Variants in AHR observed in about 807,000 individuals in gnomAD.
The protein encoded by AHR is aryl hydrocarbon receptor.
Under a neutral mutation model 86.8 loss-of-function variants are expected in AHR, and 40 were observed. That is an observed-to-expected ratio of 0.46 (90% CI 0.36 to 0.60). AHR has a LOEUF of 0.60. AHR is among the 20% of genes least tolerant of loss of function. The pLI is 0.00. For missense variants in AHR, 1,001 were observed against 1,011.6 expected (o/e 0.99, Z 0.14); for synonymous variants, 398 against 354.9 (o/e 1.12, Z -1.37).
At chr7:17,304,396 C>A (rs1781985132) in intron 1 of AHR, among the ~76,000 whole-genome samples, 1 of 152,084 alleles carries the variant, frequency 6.6e-6, no homozygotes, top group Non-Finnish European at 1.5e-5. Flanking sequence ...TATTTGCCTT[C>A]CTGTTCTATG....
In AHR at chr7:17,343,811, A is replaced by G. The variant is rs187272302; in HGVS notation, c.*747A>G. 3 of 152,766 alleles carry G rather than the reference A, an allele frequency of 2.0e-5. No individual in the cohort carries two copies. The East Asian group carries it at 5.7e-4, about 29-fold the overall frequency. The allele number at this position is 152,766 out of a possible 1,614,324, so 9.5% of individuals were successfully genotyped here. On this transcript the variant is annotated 3_prime_UTR_variant, in exon 11 of 11. Coordinates refer to ENST00000242057, the MANE Select transcript of AHR (RefSeq NM_001621.5). ...TAAAGGGCAAATAATGATCGAAAAA[A>G]TAATTATTTATTACATAATTTAGTT...
intron 2 of AHR, among the ~76,000 whole-genome samples, chr7:17,319,653 GTGTCTCA>G (rs1288870076): frequency 6.6e-6 from 1 of 152,144 alleles, no homozygotes; most frequent in East Asian, 1.9e-4. Context: ...TCTTGTGACA[GTGTCTCA>G]TGTCACTTTC....
rs151256419 is a variant in AHR, at chr7:17,324,699, G to T, written c.360+2092G>T. On this transcript the variant is annotated intron_variant, in intron 3 of 10. Transcript: ENST00000242057. The stretch of plus-strand genomic sequence containing the variant: ...TGCCTGTAATCCTAGATACCCAGGA[G>T]GCTGAGGCCCGAGAATCGCTTGAAG... 8.0e-4 allele frequency among the ~76,000 whole-genome samples: 121 copies of T among 152,080 alleles called. 2 individuals carry two copies. In the East Asian group the frequency reaches 0.022, roughly 27 times the overall value.
At chr7:17,330,701 G>C (rs1782279011) in intron 5 of AHR, 55 bp from the exon 6 acceptor site, 2 of 1,471,464 alleles carry the variant, frequency 1.4e-6, no homozygotes, top group African/African-American at 1.4e-5. Context: ...CTATTCAAGT[G>C]CTTAATTTTA....
intron 1 of AHR, among the ~76,000 whole-genome samples, chr7:17,308,698 TAAACAC>T (rs1445447479): frequency 1.9e-4 from 28 of 149,418 alleles, no homozygotes; most frequent in African/African-American, 3.7e-4. Flanking sequence ...GATACATACA[TAAACAC>T]ACACACACAC....
intron 2 of AHR, among the ~76,000 whole-genome samples, chr7:17,310,491 A>G (rs1782052028): frequency 6.6e-6 from 1 of 151,782 alleles, no homozygotes; most frequent in Non-Finnish European, 1.5e-5. Context: ...GTTTTCATAG[A>G]CATGTCATTT....
At chr7:17,314,337 A>T (rs1782095012) in intron 2 of AHR, among the ~76,000 whole-genome samples, 1 of 152,142 alleles carries the variant, frequency 6.6e-6, no homozygotes, top group African/African-American at 2.4e-5. Flanking sequence ...AGAATTATTT[A>T]CATGTTAAAA....
chr7:17,327,488 AAG>A (rs952615944), intron 3 of AHR, among the ~76,000 whole-genome samples: 1 of 151,948 alleles, frequency 6.6e-6, no homozygotes, highest in Non-Finnish European at 1.5e-5. Context: ...ATATATTTAA[AAG>A]AGAAAATCTG....
chr7:17,315,029 T>C (rs1199592526), intron 2 of AHR, among the ~76,000 whole-genome samples: 1 of 152,040 alleles, frequency 6.6e-6, no homozygotes, highest in Non-Finnish European at 1.5e-5. Context: ...TAATTCACAT[T>C]TTAAAACATG....
rs1002074614 is a variant in AHR, at chr7:17,322,671, A to C, written c.360+64A>C. The C allele has an allele frequency of 3.7e-6, 4 of 1,080,128 alleles. No individual in the cohort carries two copies. In the African/African-American group the frequency reaches 4.8e-5, roughly 13 times the overall value. The allele number at this position is 1,080,128 out of a possible 1,614,324, so 66.9% of individuals were successfully genotyped here. ...GTTGTAAATGGAAAATGAATTAATA[A>C]GTCTTTTAGTAATTCCCTGTTTACT... On this transcript the variant is annotated intron_variant, in intron 3 of 10. Coordinates refer to ENST00000242057, the MANE Select transcript of AHR (RefSeq NM_001621.5).
intron 1 of AHR, among the ~76,000 whole-genome samples, chr7:17,308,098 G>A (rs1181427094): frequency 3.9e-5 from 6 of 152,136 alleles, no homozygotes; most frequent in Non-Finnish European, 5.9e-5. Context: ...CACCTAGGAT[G>A]TAAGCTCCAT....
intron 2 of AHR, among the ~76,000 whole-genome samples, chr7:17,320,918 C>G (rs1782165884): frequency 6.6e-6 from 1 of 152,052 alleles, no homozygotes; most frequent in South Asian, 2.1e-4. Flanking sequence ...CTGCAAAGGC[C>G]AGAATGGCAT....
At chr7:17,328,029 C>T (rs892675098) in intron 4 of AHR, among the ~76,000 whole-genome samples, 181 bp downstream of exon 4, 2 of 151,568 alleles carry the variant, frequency 1.3e-5, no homozygotes, top group Admixed American at 1.3e-4. Flanking sequence ...TTCCTTTAAA[C>T]CTTTATGTGA....
At chr7:17,330,139 C>T (rs1782271864) in intron 5 of AHR, 64 bp downstream of exon 5, 2 of 1,501,362 alleles carry the variant, frequency 1.3e-6, no homozygotes, top group South Asian at 1.2e-5. Flanking sequence ...TGAAAGGAGG[C>T]TGGGAACCTG....
chr7:17,324,731 G>GGTA (rs1782210464), intron 3 of AHR, among the ~76,000 whole-genome samples: 1 of 151,682 alleles, frequency 6.6e-6, no homozygotes, highest in South Asian at 2.1e-4. Flanking sequence ...GAAGCCAGGA[G>GGTA]GCAGTAGTTG....
chr7:17,313,426 G>A (rs1782086117), intron 2 of AHR, among the ~76,000 whole-genome samples: 1 of 152,042 alleles, frequency 6.6e-6, no homozygotes, highest in Admixed American at 6.6e-5. Context: ...CAATATAAAC[G>A]AGTAATCATA....
In AHR at chr7:17,339,616, A is replaced by T. The variant is rs371295244; in HGVS notation, c.1791A>T (p.Ser597=). Residue 597 remains serine (S), a synonymous_variant, in exon 10 of 11, where the codon TCA becomes TCT. Transcript: ENST00000242057. ...TAAGTAAGTCTCCCTTCATACCTTC[A>T]GATTATCAACAGCAACAGTCCTTGG... ...DSLSKSPFIP[S]DYQQQQSLAL... 6.2e-6 allele frequency: 10 copies of T among 1,614,030 alleles called. No homozygotes were observed. In the African/African-American group the frequency reaches 1.3e-4, roughly 22 times the overall value.
At chr7:17,333,849 A>T in intron 6 of AHR, 63 bp from the exon 7 acceptor site, 1 of 1,376,732 alleles carries the variant, frequency 7.3e-7, no homozygotes, top group South Asian at 1.2e-5. Context: ...GGAGCCTTTT[A>T]AAAAGGCACT....
At chr7:17,327,251 T>C (rs1782239295) in intron 3 of AHR, among the ~76,000 whole-genome samples, 1 of 152,012 alleles carries the variant, frequency 6.6e-6, no homozygotes, top group Admixed American at 6.6e-5. Flanking sequence ...TTTAATTACA[T>C]GTATATTTTA....
Sources: allele counts gnomAD v4.1 joint callset (sites outside exome capture counted in the v4.1 genomes callset), GRCh38; gene constraint gnomAD v4.1.1; transcripts MANE v1.5; gene names NCBI Gene and HGNC (gene_info 2026-07-23, HGNC 2026-07-21).